Variants in KAT7 observed in about 807,000 individuals in gnomAD.
KAT7 encodes the protein histone acetyltransferase KAT7.
In KAT7, 10 loss-of-function variants were observed where a neutral mutation model predicts 82.1. That is an observed-to-expected ratio of 0.12 (90% CI 0.08 to 0.21). The LOEUF is 0.21. Among genes scored for constraint, KAT7 ranks in the 10% least tolerant of loss-of-function variants. The probability of loss-of-function intolerance (pLI) is 1.00; values close to 1 mark genes in which losing one functional copy is unlikely to be tolerated. For synonymous variants in KAT7, 250 were observed against 262.5 expected, an observed-to-expected ratio of 0.95 and a Z score of 0.46; for missense variants, 378 against 760.9, an observed-to-expected ratio of 0.50 and a Z score of 5.92.
chr17:49,826,034 C>T lies in KAT7; in HGVS notation c.1515C>T (p.Gly505=), dbSNP rs555915912. ...YLLSKVEEKV[G]SPERPLSDLG... is the part of the protein sequence containing the mutation. ...TTTCCAAAGTCGAAGAAAAAGTTGG[C>T]TCCCCAGAACGTCCACTCTCAGATC... The change falls in exon 13 of 15, where the codon GGC becomes GGT. Residue 505 remains glycine, a synonymous_variant. Coordinates refer to ENST00000259021, the MANE Select transcript of KAT7 (RefSeq NM_007067.5). 2 of 1,611,310 alleles carry T rather than the reference C, an allele frequency of 1.2e-6. No individual in the cohort carries two copies. The highest frequency in any genetic ancestry group is 1.3e-5 in the African/African-American group (1 of 74,952).
At chr17:49,816,468 T>A (rs557755227) in intron 8 of KAT7, among the ~76,000 whole-genome samples, 1 of 152,232 alleles carries the variant, frequency 6.6e-6, no homozygotes, top group Non-Finnish European at 1.5e-5. Context: ...GGCAGAATTT[T>A]TAACAACTTT....
At chr17:49,819,415 C>T (rs773886755) in intron 9 of KAT7, among the ~76,000 whole-genome samples, 1 of 152,106 alleles carries the variant, frequency 6.6e-6, no homozygotes, top group Admixed American at 6.5e-5. Flanking sequence ...GATGGCAGGC[C>T]GTGGAGATAA....
chr17:49,804,030 T>C (rs1289505586), intron 4 of KAT7, among the ~76,000 whole-genome samples: 5 of 151,932 alleles, frequency 3.3e-5, no homozygotes, highest in Admixed American at 6.6e-5. Context: ...AAGAGAAATA[T>C]ATAAAAAGGA....
At chr17:49,816,313 A>G (rs1051336141) in intron 8 of KAT7, among the ~76,000 whole-genome samples, 3 of 152,230 alleles carry the variant, frequency 2.0e-5, no homozygotes, top group Admixed American at 1.3e-4. Flanking sequence ...CTCTGCACTA[A>G]GAATGAAAAT....
intron 9 of KAT7, among the ~76,000 whole-genome samples, chr17:49,819,670 T>C (rs1049480323): frequency 6.6e-6 from 1 of 152,210 alleles, no homozygotes; most frequent in Non-Finnish European, 1.5e-5. Context: ...TTTCAGGAAA[T>C]ACCTAATTTA....
intron 3 of KAT7, 60 bp downstream of exon 3, chr17:49,796,986 A>G: frequency 6.7e-7 from 1 of 1,493,126 alleles, no homozygotes; most frequent in Non-Finnish European, 9.3e-7. Flanking sequence ...ATTCTTTTTA[A>G]GGAGGGCTTG....
intron 10 of KAT7, 59 bp downstream of exon 10, chr17:49,821,485 G>A (rs892653725): frequency 6.5e-7 from 1 of 1,536,162 alleles, no homozygotes; most frequent in African/African-American, 1.4e-5. Flanking sequence ...GGTTTCAGAA[G>A]GCATATGTTT....
chr17:49,825,764 A>G (rs1230435194), intron 12 of KAT7, among the ~76,000 whole-genome samples: 2 of 152,218 alleles, frequency 1.3e-5, no homozygotes, highest in African/African-American at 4.8e-5. Context: ...TTTGGAACAC[A>G]TTCCCTGTGA....
chr17:49,807,795 C>T (rs1036502895), intron 5 of KAT7, among the ~76,000 whole-genome samples: 2 of 152,016 alleles, frequency 1.3e-5, no homozygotes, highest in African/African-American at 2.4e-5. Context: ...GGGAGCAACC[C>T]GTTAGGCTTG....
At chr17:49,797,975 C>A (rs1341062508) in intron 3 of KAT7, among the ~76,000 whole-genome samples, 1 of 152,230 alleles carries the variant, frequency 6.6e-6, no homozygotes, top group African/African-American at 2.4e-5. Flanking sequence ...ATCACTGTCA[C>A]TTATCTTCTG....
intron 3 of KAT7, 138 bp downstream of exon 3, chr17:49,797,064 G>GTT: frequency 4.8e-6 from 3 of 624,294 alleles, no homozygotes; most frequent in South Asian, 4.5e-5. Flanking sequence ...CCTTTCTTAT[G>GTT]TCTTTTTTTT....
chr17:49,807,604 G>C (rs1473908331), intron 5 of KAT7, among the ~76,000 whole-genome samples: 1 of 152,178 alleles, frequency 6.6e-6, no homozygotes, highest in Non-Finnish European at 1.5e-5. Flanking sequence ...AGGATTTCAG[G>C]CACGCTTTTG....
chr17:49,806,354 A>G (rs1269851943), intron 5 of KAT7, among the ~76,000 whole-genome samples: 1 of 152,220 alleles, frequency 6.6e-6, no homozygotes. Context: ...TCTTTCAGCA[A>G]AGTAGTGTAC....
chr17:49,799,651 A>G (rs962750347), intron 4 of KAT7, among the ~76,000 whole-genome samples: 1 of 151,816 alleles, frequency 6.6e-6, no homozygotes, highest in Non-Finnish European at 1.5e-5. Context: ...CTGGGATTAC[A>G]GGCATGAGCC....
intron 7 of KAT7, among the ~76,000 whole-genome samples, chr17:49,812,077 A>T (rs866560882): frequency 6.6e-6 from 1 of 152,154 alleles, no homozygotes; most frequent in Non-Finnish European, 1.5e-5. Context: ...ATTTAGAGTG[A>T]TTAAGCAAAG....
Position 49,811,551 on chromosome 17 carries a change from A to C in KAT7, c.829A>C (p.Lys277Gln). 2 of 1,517,688 alleles carry C rather than the reference A, an allele frequency of 1.3e-6. No homozygotes were observed. The allele number at this position is 1,517,688 out of a possible 1,614,324, so 94.0% of individuals were successfully genotyped here. A position where few individuals can be genotyped will look rare whatever the true frequency, so the allele number is the denominator to read the frequency against. The change falls in exon 7 of 15, where the codon AAA (lysine) becomes CAA (glutamine). Residue 277 changes from lysine to glutamine, a missense_variant. Physicochemically the swap from Lys to Gln is moderately conservative, Grantham distance 53. Around this residue, in one of 6 missense-constraint regions of KAT7, gnomAD observed 102 missense variants for 129.8 expected, o/e 0.79. Coordinates refer to ENST00000259021, the MANE Select transcript of KAT7 (RefSeq NM_007067.5). ...GAAGAAAAGAAATTCTGGACTGAGC[A>C]AAGAACAGAAAGAGAAATATATGGT... ...LRKKRNSGLSKEQKEKYMEHR... is the reference protein window; with the variant it reads ...LRKKRNSGLSQEQKEKYMEHR...
At chr17:49,802,382 A>T (rs778426233) in intron 4 of KAT7, among the ~76,000 whole-genome samples, 6 of 152,144 alleles carry the variant, frequency 3.9e-5, no homozygotes, top group Non-Finnish European at 8.8e-5. Context: ...AGAAGTATGG[A>T]TATGCCTGGG....
intron 6 of KAT7, among the ~76,000 whole-genome samples, chr17:49,810,036 G>A (rs942105422): frequency 6.6e-5 from 10 of 152,202 alleles, no homozygotes; most frequent in African/African-American, 2.4e-4. Context: ...CCAAACAGAT[G>A]TGAATTTGAA....
At chr17:49,823,459 C>T (rs2074330235) in intron 12 of KAT7, 164 bp downstream of exon 12, 2 of 580,618 alleles carry the variant, frequency 3.4e-6, no homozygotes, top group Admixed American at 3.0e-5. Flanking sequence ...TGTCATTCTG[C>T]CTAATACACA....
Sources: gnomAD v4.1 joint callset for allele counts (sites outside exome capture counted in the v4.1 genomes callset) on GRCh38, gnomAD v4.1.1 for gene constraint, gnomAD v4.1.1 regional missense constraint, MANE v1.5 for transcripts, NCBI Gene and HGNC (gene_info 2026-07-23, HGNC 2026-07-21) for gene names.